Variants in DLG2 observed in about 807,000 individuals in gnomAD.
The protein encoded by DLG2 is discs large MAGUK scaffold protein 2.
A neutral mutation model predicts 132.5 loss-of-function variants in DLG2; 45 were observed. That is an observed-to-expected ratio of 0.34 (90% CI 0.27 to 0.44). The LOEUF is 0.44. Ranked by LOEUF, DLG2 falls within the 20% of genes least tolerant of loss-of-function variation. The probability of loss-of-function intolerance (pLI) is 1.00; values close to 1 mark genes in which losing one functional copy is unlikely to be tolerated. For missense variants in DLG2, 1,045 were observed against 1,196.9 expected, an observed-to-expected ratio of 0.87 and a Z score of 1.87; for synonymous variants, 424 against 419.6, an observed-to-expected ratio of 1.01 and a Z score of -0.13.
intron 4 of DLG2, among the ~76,000 whole-genome samples, chr11:85,177,452 T>A (rs893489115): frequency 1.2e-4 from 18 of 151,978 alleles, no homozygotes; most frequent in Non-Finnish European, 7.4e-5. Context: ...TTCTCACTTA[T>A]AAGTGGGAGC....
intron 7 of DLG2, among the ~76,000 whole-genome samples, chr11:84,371,795 A>G (rs2098707696): frequency 1.3e-5 from 2 of 152,166 alleles, no homozygotes; most frequent in Admixed American, 1.3e-4. Flanking sequence ...AACGTACTTT[A>G]AATTTCTATG....
chr11:84,481,280 T>C (rs2099136843), intron 7 of DLG2, among the ~76,000 whole-genome samples: 1 of 152,150 alleles, frequency 6.6e-6, no homozygotes, highest in Non-Finnish European at 1.5e-5. Context: ...CCATATCATG[T>C]TTATCTTGCC....
intron 16 of DLG2, among the ~76,000 whole-genome samples, chr11:83,837,261 C>T (rs1349216992): frequency 6.6e-6 from 1 of 152,108 alleles, no homozygotes; most frequent in Non-Finnish European, 1.5e-5. Flanking sequence ...TGCCAACTAA[C>T]GCCACCTCAT....
chr11:85,382,337 C>T (rs2085961227), intron 3 of DLG2, among the ~76,000 whole-genome samples: 1 of 152,014 alleles, frequency 6.6e-6, no homozygotes, highest in Non-Finnish European at 1.5e-5. Flanking sequence ...CAATTTGAAC[C>T]TTTATTTCAT....
At chr11:84,856,773 T>C (rs748030735) in intron 6 of DLG2, among the ~76,000 whole-genome samples, 4 of 152,074 alleles carry the variant, frequency 2.6e-5, no homozygotes, top group Non-Finnish European at 5.9e-5. Context: ...TTCAAGGCTC[T>C]GCCTCTCCTA....
At chr11:85,348,726 G>A (rs989280212) in intron 3 of DLG2, among the ~76,000 whole-genome samples, 2 of 152,012 alleles carry the variant, frequency 1.3e-5, no homozygotes, top group African/African-American at 4.8e-5. Flanking sequence ...AAATTTAGGA[G>A]TCATTCCAGA....
chr11:85,123,460 T>A (rs1029969735), intron 5 of DLG2, among the ~76,000 whole-genome samples: 1 of 152,002 alleles, frequency 6.6e-6, no homozygotes, highest in African/African-American at 2.4e-5. Context: ...TTATAAGGAA[T>A]AGAATAAATA....
At chr11:84,221,822 A>T (rs1020117822) in intron 8 of DLG2, among the ~76,000 whole-genome samples, 6 of 152,158 alleles carry the variant, frequency 3.9e-5, no homozygotes, top group African/African-American at 1.2e-4. Context: ...AGTGCTTACT[A>T]AGTGAAGGAA....
intron 9 of DLG2, among the ~76,000 whole-genome samples, chr11:84,157,639 G>C (rs147567572): frequency 6.6e-6 from 1 of 152,120 alleles, no homozygotes; most frequent in Non-Finnish European, 1.5e-5. Context: ...CCTCTCATAA[G>C]CCAGCTCAGT....
At chr11:84,437,990 G>T (rs1276351826) in intron 7 of DLG2, among the ~76,000 whole-genome samples, 6 of 152,150 alleles carry the variant, frequency 3.9e-5, no homozygotes, top group Non-Finnish European at 8.8e-5. Flanking sequence ...GGAATTGCCA[G>T]GCATGGGGAA....
At chr11:83,936,627 T>C (rs765473299) in intron 14 of DLG2, among the ~76,000 whole-genome samples, 14 of 152,202 alleles carry the variant, frequency 9.2e-5, no homozygotes, top group Non-Finnish European at 1.6e-4. Flanking sequence ...TATTGGAAGA[T>C]TGAGGAGACA....
chr11:84,829,521 T>C (rs757461627), intron 6 of DLG2, among the ~76,000 whole-genome samples: 9 of 151,864 alleles, frequency 5.9e-5, no homozygotes, highest in Middle Eastern at 6.8e-3. Context: ...TTCTTAGATA[T>C]GGAAAGGCAG....
chr11:84,297,988 T>C (rs2098113072), intron 7 of DLG2, among the ~76,000 whole-genome samples: 1 of 152,134 alleles, frequency 6.6e-6, no homozygotes, highest in Non-Finnish European at 1.5e-5. Flanking sequence ...ATACTTTCCT[T>C]ACTTTAATGT....
At chr11:83,946,161 C>T (rs80243361) in intron 14 of DLG2, among the ~76,000 whole-genome samples, 2,671 of 151,832 alleles carry the variant, frequency 0.018, 84 homozygotes, top group African/African-American at 0.06. Flanking sequence ...GACTAATTTC[C>T]GTATTTTTAG....
At chr11:84,191,797 T>C (rs1161886999) in intron 8 of DLG2, among the ~76,000 whole-genome samples, 6 of 151,978 alleles carry the variant, frequency 3.9e-5, no homozygotes, top group Non-Finnish European at 8.8e-5. Flanking sequence ...GTAGAGAAAG[T>C]GGAGTGGTAG....
intron 3 of DLG2, among the ~76,000 whole-genome samples, chr11:85,522,170 C>G (rs1363218147): frequency 6.6e-6 from 1 of 152,170 alleles, no homozygotes; most frequent in Non-Finnish European, 1.5e-5. Context: ...GTCCCAGCCA[C>G]TCCAGCCATG....
At chr11:83,536,456 C>T (rs895683008) in intron 20 of DLG2, among the ~76,000 whole-genome samples, 4 of 152,050 alleles carry the variant, frequency 2.6e-5, no homozygotes, top group African/African-American at 7.2e-5. Context: ...TTAGCTTCCT[C>T]ATCTGCCTCA....
intron 18 of DLG2, among the ~76,000 whole-genome samples, chr11:83,734,389 TTCCTTCCTTCCTTCCTTCCCTCCC>T (rs1457442649): frequency 1.4e-3 from 180 of 132,268 alleles, no homozygotes; most frequent in African/African-American, 4.7e-3. Flanking sequence ...CCTTCCTTCC[TTCCTTCCTTCCTTCCTTCCCTCCC>T]TCCTTCCCTC....
At chr11:84,880,414 C>A in intron 6 of DLG2, among the ~76,000 whole-genome samples, 1 of 152,136 alleles carries the variant, frequency 6.6e-6, no homozygotes, top group East Asian at 1.9e-4. Context: ...CACCATACAC[C>A]TAGCAAATTA....
Sources: gnomAD v4.1 joint callset for allele counts (sites outside exome capture counted in the v4.1 genomes callset) on GRCh38, gnomAD v4.1.1 for gene constraint, MANE v1.5 for transcripts, NCBI Gene and HGNC (gene_info 2026-07-23, HGNC 2026-07-21) for gene names.